PLK5: variants seen among roughly 807,000 people sequenced by gnomAD.
PLK5 encodes the protein polo like kinase 5 (inactive).
A neutral mutation model predicts 33.7 loss-of-function variants in PLK5; 28 were observed. The observed-to-expected ratio is 0.83, with a 90% confidence interval of 0.62 to 1.14. The LOEUF (loss-of-function observed/expected upper bound fraction) is 1.14. Among genes scored for constraint, PLK5 ranks in the 50% most tolerant of loss-of-function variants. The pLI is 0.00. For synonymous variants in PLK5, 225 were observed against 202.2 expected (o/e 1.11, Z -0.96); for missense variants, 492 against 461.5 (o/e 1.07, Z -0.61).
chr19:1,531,760 G>A lies in PLK5; in HGVS notation c.591G>A (p.Glu197=), dbSNP rs1275175509. 8 of 1,536,234 alleles carry A rather than the reference G, an allele frequency of 5.2e-6. No individual in the cohort carries two copies. Among genetic ancestry groups the A allele is most frequent in the Non-Finnish European group, 7.0e-6 (8 of 1,146,974 alleles). ...GPPATQDPLG[E]QQPILWAPKW... is the part of the protein sequence containing the mutation. ...CAGCCACACAGGACCCCCTGGGAGA[G>A]CAGCAGCCCATCCTCTGGGCCCCCA... Residue 197 remains glutamate (E), a synonymous_variant, in exon 12 of 14, where the codon GAG becomes GAA. Transcript: ENST00000454744.
chr19:1,526,227 A>G (rs1337483443), intron 3 of PLK5, among the ~76,000 whole-genome samples: 1 of 151,918 alleles, frequency 6.6e-6, no homozygotes, highest in Middle Eastern at 3.2e-3. Context: ...AAGCATGTCC[A>G]CCAGCGCCGT....
chr19:1,530,650 C>T (rs1326754718), intron 11 of PLK5, among the ~76,000 whole-genome samples: 1 of 120,716 alleles, frequency 8.3e-6, no homozygotes, highest in Non-Finnish European at 1.6e-5. Context: ...GACGGAGTCT[C>T]ACTCTGTCGC....
intron 12 of PLK5, among the ~76,000 whole-genome samples, chr19:1,532,912 C>T (rs1413211361): frequency 3.3e-5 from 5 of 151,926 alleles, no homozygotes; most frequent in Non-Finnish European, 5.9e-5. Flanking sequence ...GTGATCTGCC[C>T]GCCTCGGCCT....
intron 10 of PLK5, 25 bp downstream of exon 10, chr19:1,529,515 G>T (rs760312029): frequency 3.3e-6 from 5 of 1,528,386 alleles, no homozygotes; most frequent in Non-Finnish European, 4.4e-6. Flanking sequence ...GTCCCAGCCC[G>T]GGGCTGCAGG....
rs920350231 is a variant in PLK5, at chr19:1,524,128, G to C, written c.-662G>C. 6.6e-5 allele frequency: 10 copies of C among 151,048 alleles called. No homozygotes were observed. The highest frequency in any genetic ancestry group is 2.4e-4 in the African/African-American group (10 of 41,404). The allele number at this position is 151,048 out of a possible 1,614,324, so 9.4% of individuals were successfully genotyped here. On this transcript the variant is annotated 5_prime_UTR_variant, in exon 1 of 14. Coordinates refer to ENST00000454744, the MANE Select transcript of PLK5 (RefSeq NM_001243079.2). The surrounding 1 kb of genome is among the most constrained non-coding windows in gnomAD (Gnocchi z 4.5). ...CGGTGGTCTCGGCCCGGCTGCGCCA[G>C]AGTCCGCGCGATGGAGCCCCGGCCG...
At chr19:1,530,576 G>C (rs967396759) in intron 11 of PLK5, among the ~76,000 whole-genome samples, 1 of 136,132 alleles carries the variant, frequency 7.3e-6, no homozygotes, top group African/African-American at 2.7e-5. Flanking sequence ...TGGGATTACA[G>C]ACGTCGTCAG....
At chr19:1,532,856 C>T (rs1211162101) in intron 12 of PLK5, among the ~76,000 whole-genome samples, 3 of 151,512 alleles carry the variant, frequency 2.0e-5, no homozygotes, top group Non-Finnish European at 4.4e-5. Context: ...TTAGTAGAGA[C>T]GGGGTTTCAC....
intron 13 of PLK5, 145 bp downstream of exon 13, chr19:1,534,186 T>C (rs1310060913): frequency 1.5e-6 from 1 of 664,388 alleles, no homozygotes; most frequent in Non-Finnish European, 2.5e-6. Flanking sequence ...TATTGGCTCC[T>C]GCGTACAAAA....
chr19:1,533,745 G>A, intron 12 of PLK5, 186 bp from the exon 13 acceptor site: 1 of 606,844 alleles, frequency 1.6e-6, no homozygotes, highest in South Asian at 1.9e-5. Context: ...CCCAACTGCG[G>A]GAGGCTGGAA....
In PLK5 at chr19:1,528,002, C is replaced by G. The variant is rs1229007906; in HGVS notation, c.69C>G (p.Ile23Met). 2 of 1,536,150 alleles carry G rather than the reference C, an allele frequency of 1.3e-6. No individual in the cohort carries two copies. The highest frequency in any genetic ancestry group is 4.9e-5 in the East Asian group (2 of 40,922). Residue 23 changes from isoleucine to methionine, a missense_variant, in exon 7 of 14, where the codon ATC becomes ATG. Transcript: ENST00000454744. The stretch of plus-strand genomic sequence containing the variant: ...CCCTGTCGGAGATGTACCAAAACAT[C>G]CGTGAGGGCCACTACCCCGAACCCG... ...ASPLSEMYQN[I>M]REGHYPEPAH...
At chr19:1,529,542 A>T (rs1047779010) in intron 10 of PLK5, 52 bp downstream of exon 10, 2 of 1,505,272 alleles carry the variant, frequency 1.3e-6, no homozygotes, top group Admixed American at 3.9e-5. Context: ...GGGAGGAATT[A>T]CAAGTGACAG....
chr19:1,531,975 C>G, intron 12 of PLK5, 92 bp downstream of exon 12: 1 of 1,341,008 alleles, frequency 7.5e-7, no homozygotes, highest in Non-Finnish European at 9.7e-7. Flanking sequence ...ACCTACTGTG[C>G]ACACCTACAG....
chr19:1,529,974 G>C (rs1913880402), intron 11 of PLK5, 150 bp downstream of exon 11: 1 of 800,166 alleles, frequency 1.2e-6, no homozygotes. Context: ...CAGGAGAGTG[G>C]GTTAGCCCTC....
At chr19:1,529,333 C>G (rs912202863) in intron 9 of PLK5, 73 bp from the exon 10 acceptor site, 7 of 1,330,314 alleles carry the variant, frequency 5.3e-6, no homozygotes, top group African/African-American at 2.9e-5. Context: ...GGGGCCAGAG[C>G]CTGCCACCCA....
intron 7 of PLK5, 34 bp from the exon 8 acceptor site, chr19:1,528,268 T>G: frequency 6.5e-7 from 1 of 1,535,794 alleles, no homozygotes; most frequent in South Asian, 1.2e-5. Context: ...CTGGGTGACC[T>G]AAGCCGGGGA....
chr19:1,531,047 T>C (rs144717543), intron 11 of PLK5, among the ~76,000 whole-genome samples: 2,307 of 151,384 alleles, frequency 0.015, 20 homozygotes, highest in Non-Finnish European at 0.021. Flanking sequence ...GCTGAGATCG[T>C]GCCACTGCAC....
rs181246900 is a variant in PLK5, at chr19:1,527,796, T to C, written c.3-140T>C. On this transcript the variant is annotated intron_variant, in intron 6 of 13. Coordinates refer to ENST00000454744, the MANE Select transcript of PLK5 (RefSeq NM_001243079.2). ...GCGTGCATGGGACTGCACAGGGTGC[T>C]AGGTGCAGGCGGATGTTGGGAGATG... The C allele has an allele frequency of 5.1e-4, 426 of 835,824 alleles. No individual in the cohort carries two copies. The African/African-American group carries it at 6.8e-3, about 13-fold the overall frequency. The allele number at this position is 835,824 out of a possible 1,614,324, so 51.8% of individuals were successfully genotyped here.
Position 1,532,127 on chromosome 19 carries a change from G to A in PLK5, c.714+244G>A, listed in dbSNP as rs370053238. Among the ~76,000 whole-genome samples, 38 of 152,292 alleles carry A rather than the reference G, an allele frequency of 2.5e-4. No homozygotes were observed. In the South Asian group the frequency reaches 6.2e-3, roughly 25 times the overall value. On this transcript the variant is annotated intron_variant, in intron 12 of 13. Coordinates refer to ENST00000454744, the MANE Select transcript of PLK5 (RefSeq NM_001243079.2). ...GTAGGGGGAAGGGGAAGGGGTCTCT[G>A]AGAAAGTGACGTGAATGACAAGCGG... is the stretch of plus-strand genomic sequence containing the variant.
In PLK5 at chr19:1,528,101, G is replaced by A. The variant is rs1316816679; in HGVS notation, c.168G>A (p.Leu56=). The stretch of plus-strand genomic sequence containing the variant: ...CCAACCCGGCCGAGCGGCCCAGCCT[G>A]GACCACCTGCTGCAGGACGACTTCT... ...LAPNPAERPS[L]DHLLQDDFFT... Residue 56 remains leucine, a synonymous_variant, in exon 7 of 14, where the codon CTG becomes CTA. Coordinates refer to ENST00000454744, the MANE Select transcript of PLK5 (RefSeq NM_001243079.2). 1.3e-6 allele frequency: 2 copies of A among 1,535,710 alleles called. No homozygotes were observed. Among genetic ancestry groups the A allele is most frequent in the Non-Finnish European group, 1.7e-6 (2 of 1,146,724 alleles).
Sources: gnomAD v4.1 joint callset for allele counts (sites outside exome capture counted in the v4.1 genomes callset) on GRCh38, gnomAD v4.1.1 for gene constraint, Gnocchi (gnomAD v3.1) non-coding constraint, MANE v1.5 for transcripts, NCBI Gene and HGNC (gene_info 2026-07-23, HGNC 2026-07-21) for gene names.